DRC11: variants seen among roughly 807,000 people sequenced by gnomAD.
The protein encoded by DRC11 is IQ and AAA domain-containing protein 1.
chr2:236,318,811 A>G, the DRC11 span, among the ~76,000 whole-genome samples: 3 of 152,126 alleles, frequency 2.0e-5, no homozygotes, highest in African/African-American at 7.2e-5. This position sits in a 1 kb window ranked among gnomAD's most constrained non-coding sequence, Gnocchi z 7.0. Context: ...TTCTGAAATT[A>G]GCCCAGCCCA....
At chr2:236,468,137 C>T in the DRC11 span, among the ~76,000 whole-genome samples, 1 of 152,176 alleles carries the variant, frequency 6.6e-6, no homozygotes, top group Non-Finnish European at 1.5e-5. Flanking sequence ...CACTCTGTCA[C>T]CCAGTCTGGA....
the DRC11 span, chr2:236,368,838 AT>A: frequency 6.5e-6 from 1 of 152,760 alleles, no homozygotes; most frequent in African/African-American, 2.4e-5. Flanking sequence ...TGAGGGTAAT[AT>A]TCATTTACAT....
At chr2:236,392,596 G>A in the DRC11 span, among the ~76,000 whole-genome samples, 1 of 152,004 alleles carries the variant, frequency 6.6e-6, no homozygotes, top group African/African-American at 2.4e-5. The surrounding 1 kb of genome is among the most constrained non-coding windows in gnomAD (Gnocchi z 5.1). Context: ...TTGAGTTTTA[G>A]TTTACTCAAT....
the DRC11 span, among the ~76,000 whole-genome samples, chr2:236,465,963 C>T: frequency 6.6e-6 from 1 of 152,202 alleles, no homozygotes; most frequent in Middle Eastern, 3.4e-3. The surrounding 1 kb of genome is among the most constrained non-coding windows in gnomAD (Gnocchi z 6.2). Context: ...GGTTTCTCTC[C>T]TGTCAACAAC....
chr2:236,450,956 C>T, the DRC11 span, among the ~76,000 whole-genome samples: 3 of 152,130 alleles, frequency 2.0e-5, no homozygotes, highest in African/African-American at 4.8e-5. Flanking sequence ...ATTGAAATTG[C>T]GTTATCTCTA....
chr2:236,312,556 T>C, the DRC11 span, among the ~76,000 whole-genome samples: 1 of 152,156 alleles, frequency 6.6e-6, no homozygotes, highest in Admixed American at 6.5e-5. Context: ...CAACAGGAGA[T>C]AGATTTTCAG....
the DRC11 span, among the ~76,000 whole-genome samples, chr2:236,311,812 G>T: frequency 7.2e-5 from 11 of 151,952 alleles, no homozygotes; most frequent in Non-Finnish European, 1.3e-4. The surrounding 1 kb of genome is among the most constrained non-coding windows in gnomAD (Gnocchi z 6.9). Context: ...CTAGGCCTTG[G>T]AGTGTGACAG....
the DRC11 span, chr2:236,338,131 C>T: frequency 1.2e-5 from 18 of 1,468,240 alleles, no homozygotes; most frequent in South Asian, 5.4e-5. Context: ...GTCCAAGGGC[C>T]GCCCTCCTGG....
chr2:236,334,560 T>C, the DRC11 span, among the ~76,000 whole-genome samples: 5 of 152,156 alleles, frequency 3.3e-5, no homozygotes, highest in African/African-American at 1.2e-4. This position sits in a 1 kb window ranked among gnomAD's most constrained non-coding sequence, Gnocchi z 7.8. Context: ...GCTCCTCACA[T>C]CTTCAGACCA....
chr2:236,438,990 G>A, the DRC11 span, among the ~76,000 whole-genome samples: 2 of 148,270 alleles, frequency 1.3e-5, no homozygotes, highest in Admixed American at 1.4e-4. Context: ...ACGAAATGAA[G>A]GCAGAAATAA....
the DRC11 span, among the ~76,000 whole-genome samples, chr2:236,431,106 C>G: frequency 6.6e-6 from 1 of 152,164 alleles, no homozygotes; most frequent in African/African-American, 2.4e-5. The surrounding 1 kb of genome is among the most constrained non-coding windows in gnomAD (Gnocchi z 4.2). Flanking sequence ...GCAAGTATAT[C>G]AAGTTGTGTT....
At chr2:236,357,040 CATATATTATATATCTATTT>C in the DRC11 span, among the ~76,000 whole-genome samples, 1 of 88,922 alleles carries the variant, frequency 1.1e-5, no homozygotes, top group African/African-American at 3.8e-5. Flanking sequence ...TTTATATATT[CATATATTATATATCTATTT>C]ATATATTCAT....
the DRC11 span, among the ~76,000 whole-genome samples, chr2:236,386,538 T>A: frequency 5.7e-3 from 868 of 152,282 alleles, 8 homozygotes; most frequent in African/African-American, 0.019. Flanking sequence ...TTACATCTAT[T>A]TGATTCTTCT....
chr2:236,488,015 T>C, the DRC11 span: 6 of 1,592,642 alleles, frequency 3.8e-6, no homozygotes, highest in Admixed American at 3.5e-5. Flanking sequence ...GAATGCGGAG[T>C]GCAGCAGCCC....
the DRC11 span, among the ~76,000 whole-genome samples, chr2:236,387,509 G>T: frequency 1.3e-5 from 2 of 151,534 alleles, no homozygotes; most frequent in African/African-American, 4.9e-5. Context: ...GTTTTCCATT[G>T]GCTTGGTAGA....
chr2:236,449,996 C>T, the DRC11 span, among the ~76,000 whole-genome samples: 2 of 152,130 alleles, frequency 1.3e-5, no homozygotes, highest in Non-Finnish European at 2.9e-5. This position sits in a 1 kb window ranked among gnomAD's most constrained non-coding sequence, Gnocchi z 5.1. Flanking sequence ...AAGCTGTCCA[C>T]CTGGATTAGC....
chr2:236,389,162 C>G, the DRC11 span, among the ~76,000 whole-genome samples: 993 of 152,098 alleles, frequency 6.5e-3, 7 homozygotes, highest in Middle Eastern at 0.02. Flanking sequence ...GAGGCAGGCA[C>G]GCCTCCTTGA....
the DRC11 span, among the ~76,000 whole-genome samples, chr2:236,349,407 T>C: frequency 6.6e-6 from 1 of 152,240 alleles, no homozygotes; most frequent in Non-Finnish European, 1.5e-5. This position sits in a 1 kb window ranked among gnomAD's most constrained non-coding sequence, Gnocchi z 5.5. Flanking sequence ...TCTTATTTTT[T>C]TTCAGTACCT....
chr2:236,485,322 C>T, the DRC11 span, among the ~76,000 whole-genome samples: 4 of 151,884 alleles, frequency 2.6e-5, no homozygotes, highest in African/African-American at 9.7e-5. Flanking sequence ...ATTTGTCATA[C>T]ATTTGTATTT....
Sources: gnomAD v4.1 joint callset for allele counts (sites outside exome capture counted in the v4.1 genomes callset) on GRCh38, gnomAD v4.1.1 for gene constraint, Gnocchi (gnomAD v3.1) non-coding constraint, MANE v1.5 for transcripts, NCBI Gene and HGNC (gene_info 2026-07-23, HGNC 2026-07-21) for gene names.